ADAM22: variants seen among roughly 807,000 people sequenced by gnomAD.
ADAM22 encodes ADAM metallopeptidase domain 22.
ADAM22 carries 65 observed loss-of-function variants against 144.6 expected under a neutral mutation model. That is an observed-to-expected ratio of 0.45 (90% CI 0.37 to 0.55). The LOEUF is 0.55. Ranked by LOEUF, ADAM22 falls within the 20% of genes least tolerant of loss-of-function variation. The pLI is 0.00. For synonymous variants in ADAM22, 391 were observed against 412.6 expected (o/e 0.95, Z 0.63); for missense variants, 974 against 1,184.9 (o/e 0.82, Z 2.61).
chr7:88,037,228 C>A (rs1012856943), intron 3 of ADAM22, among the ~76,000 whole-genome samples: 2 of 152,032 alleles, frequency 1.3e-5, no homozygotes, highest in Non-Finnish European at 2.9e-5. Flanking sequence ...GCCCAGTTTT[C>A]TAGTGGATTT....
Position 87,980,287 on chromosome 7 carries a change from C to CTTTTTTTTTTTTTTTTTTTTTTT in ADAM22, c.323+1887_323+1888insTTTTTTTTTTTTTTTTTTTTTTT, listed in dbSNP as rs71120015. ...TGGGCTGAGAAACATGCACTGTGCT[C>CTTTTTTTTTTTTTTTTTTTTTTT]TTTTTTTTTTTTGCCTGGGATCGAT... On this transcript the variant is annotated intron_variant, in intron 3 of 31. Coordinates refer to ENST00000413139, the MANE Select transcript of ADAM22 (RefSeq NM_001324418.2). Among the ~76,000 whole-genome samples, 2 of 118,400 alleles carry CTTTTTTTTTTTTTTTTTTTTTTT rather than the reference C, an allele frequency of 1.7e-5. 1 individual carries two copies. The highest frequency in any genetic ancestry group is 3.3e-5 in the Non-Finnish European group (2 of 60,960). 77.7% of individuals were successfully genotyped at this position (118,400 alleles called of 152,430 possible).
intron 24 of ADAM22, 59 bp from the exon 25 acceptor site, chr7:88,168,078 A>T: frequency 3.5e-6 from 5 of 1,437,002 alleles, no homozygotes; most frequent in Non-Finnish European, 4.8e-6. Flanking sequence ...ACTGAACAAT[A>T]AAGTTTCTGA....
intron 3 of ADAM22, among the ~76,000 whole-genome samples, chr7:87,981,336 C>T (rs1269162584): frequency 1.3e-5 from 2 of 152,108 alleles, no homozygotes; most frequent in African/African-American, 4.8e-5. Context: ...TGATCCAGTG[C>T]CTAAATTTTG....
intron 2 of ADAM22, among the ~76,000 whole-genome samples, chr7:87,953,014 C>G (rs1312095024): frequency 6.6e-6 from 1 of 151,956 alleles, no homozygotes; most frequent in Non-Finnish European, 1.5e-5. Context: ...TTTATTGCAT[C>G]TATTTGATTC....
chr7:87,953,586 T>C (rs1480487688), intron 2 of ADAM22, among the ~76,000 whole-genome samples: 1 of 152,118 alleles, frequency 6.6e-6, no homozygotes, highest in Non-Finnish European at 1.5e-5. Flanking sequence ...TTGGAATAGG[T>C]GTGGTGTGGT....
At chr7:87,996,150 G>A (rs1253452335) in intron 3 of ADAM22, among the ~76,000 whole-genome samples, 2 of 152,210 alleles carry the variant, frequency 1.3e-5, no homozygotes, top group African/African-American at 4.8e-5. Flanking sequence ...CTTTCTAGAA[G>A]TTTGTAATCA....
At chr7:88,149,106 A>C in intron 18 of ADAM22, 49 bp downstream of exon 18, 1 of 1,327,540 alleles carries the variant, frequency 7.5e-7, no homozygotes, top group Non-Finnish European at 1.1e-6. Context: ...AAGTGGGGGT[A>C]TCTTTAGTGC....
At chr7:87,955,994 G>C (rs902516085) in intron 2 of ADAM22, among the ~76,000 whole-genome samples, 1 of 152,174 alleles carries the variant, frequency 6.6e-6, no homozygotes. Context: ...CGCAGTATTC[G>C]GGTGGGAGTG....
intron 3 of ADAM22, among the ~76,000 whole-genome samples, chr7:88,017,888 A>G (rs772265087): frequency 1.3e-5 from 2 of 151,414 alleles, no homozygotes; most frequent in Admixed American, 6.6e-5. Context: ...CACAAAGAAT[A>G]AAAAAAAATT....
At chr7:88,073,370 A>C (rs1186918467) in intron 3 of ADAM22, among the ~76,000 whole-genome samples, 1 of 152,218 alleles carries the variant, frequency 6.6e-6, no homozygotes, top group Non-Finnish European at 1.5e-5. Context: ...GCCAGTTAAG[A>C]GAGCCCCGGC....
At chr7:88,018,026 C>G (rs139670898) in intron 3 of ADAM22, among the ~76,000 whole-genome samples, 108 of 152,190 alleles carry the variant, frequency 7.1e-4, no homozygotes, top group Non-Finnish European at 1.4e-3. Context: ...TCATCTTGTT[C>G]TTAGGTCCTC....
intron 2 of ADAM22, among the ~76,000 whole-genome samples, chr7:87,938,663 T>G (rs900061874): frequency 6.6e-6 from 1 of 152,150 alleles, no homozygotes; most frequent in African/African-American, 2.4e-5. Context: ...TTTTTTCTTT[T>G]GAGATGGAGT....
intron 5 of ADAM22, among the ~76,000 whole-genome samples, chr7:88,113,717 T>TATATATATATATATATATAA (rs1826891867): frequency 1.8e-5 from 2 of 112,592 alleles, no homozygotes; most frequent in Non-Finnish European, 3.6e-5. Flanking sequence ...TATATATATA[T>TATATATATATATATATATAA]ATATATATAT....
At chr7:88,039,225 C>G (rs986492904) in intron 3 of ADAM22, among the ~76,000 whole-genome samples, 1 of 151,144 alleles carries the variant, frequency 6.6e-6, no homozygotes, top group Non-Finnish European at 1.5e-5. Flanking sequence ...AGGCGGATCA[C>G]GAGGTCAGGA....
intron 3 of ADAM22, among the ~76,000 whole-genome samples, chr7:88,003,310 A>G (rs1000170942): frequency 2.0e-5 from 3 of 152,210 alleles, no homozygotes; most frequent in Admixed American, 6.5e-5. Context: ...TGATAATTCT[A>G]TTTTACAAAT....
In ADAM22 at chr7:88,168,239, G is replaced by A. The variant is rs1446037871; in HGVS notation, c.2282+12G>A. The A allele has an allele frequency of 3.7e-6, 6 of 1,607,040 alleles. No homozygotes were observed. The Admixed American group carries it at 1.0e-4, about 27-fold the overall frequency. On this transcript the variant is annotated intron_variant, in intron 25 of 31. Transcript: ENST00000413139. ...GCGTGGGGTTATAAGTAAGTGAAATGTCTCAGTCTTGTTACTATTGAAATA... is the reference window on the plus strand; with the variant it reads ...GCGTGGGGTTATAAGTAAGTGAAATATCTCAGTCTTGTTACTATTGAAATA...
chr7:88,021,998 G>T (rs1585069003), intron 3 of ADAM22, among the ~76,000 whole-genome samples: 1 of 151,696 alleles, frequency 6.6e-6, no homozygotes, highest in Non-Finnish European at 1.5e-5. Context: ...TCCGCCTCCC[G>T]AATGTTGAGG....
chr7:87,955,445 C>G (rs568551935), intron 2 of ADAM22, among the ~76,000 whole-genome samples: 1 of 152,224 alleles, frequency 6.6e-6, no homozygotes, highest in South Asian at 2.1e-4. Flanking sequence ...TCTGCAGAAC[C>G]GCAGATTTTT....
chr7:88,104,980 T>C (rs1823971989), intron 4 of ADAM22, among the ~76,000 whole-genome samples: 1 of 152,164 alleles, frequency 6.6e-6, no homozygotes, highest in Non-Finnish European at 1.5e-5. Flanking sequence ...TAGTGAAATA[T>C]TGTTTTCCAT....
Sources: gnomAD v4.1 joint callset for allele counts (sites outside exome capture counted in the v4.1 genomes callset) on GRCh38, gnomAD v4.1.1 for gene constraint, MANE v1.5 for transcripts, NCBI Gene and HGNC (gene_info 2026-07-23, HGNC 2026-07-21) for gene names.